Variants in IL2RB observed in about 807,000 individuals in gnomAD.
IL2RB encodes interleukin-2 receptor subunit beta.
In IL2RB, 17 loss-of-function variants were observed where a neutral mutation model predicts 44.2. That is an observed-to-expected ratio of 0.38 (90% confidence interval 0.26 to 0.58). The LOEUF (loss-of-function observed/expected upper bound fraction) is 0.58. Ranked by LOEUF, IL2RB falls within the 20% of genes least tolerant of loss-of-function variation. IL2RB has a pLI of 0.63. For missense variants in IL2RB, 624 were observed against 685.5 expected, an observed-to-expected ratio of 0.91 and a Z score of 1.00; for synonymous variants, 286 against 297.9, an observed-to-expected ratio of 0.96 and a Z score of 0.41.
intron 1 of IL2RB, chr22:37,161,988 C>G (rs1428816879): frequency 2.6e-5 from 4 of 152,234 alleles, no homozygotes; most frequent in Non-Finnish European, 5.9e-5. Flanking sequence ...CGGGTCCTGC[C>G]AGAGATTCCT....
Position 37,147,733 on chromosome 22 carries a change from G to T in IL2RB, c.-34+2092C>A, listed in dbSNP as rs558625814. 2.0e-5 allele frequency among the ~76,000 whole-genome samples: 3 copies of T among 152,354 alleles called. No homozygotes were observed. The East Asian group carries it at 5.8e-4, about 29-fold the overall frequency. ...GACCCAGCAGCTCACAGACAGACTG[G>T]CAGGTGCTTATTCGGGGTACCATGG... On this transcript the variant is annotated intron_variant, in intron 1 of 9. Coordinates refer to ENST00000216223, the MANE Select transcript of IL2RB (RefSeq NM_000878.5).
intron 1 of IL2RB, among the ~76,000 whole-genome samples, chr22:37,162,358 G>T (rs1922911033): frequency 6.6e-6 from 1 of 152,148 alleles, no homozygotes; most frequent in African/African-American, 2.4e-5. Context: ...ATGTACTGGT[G>T]GGGTAGGTGA....
At chr22:37,157,281 C>A (rs959684399) in intron 1 of IL2RB, among the ~76,000 whole-genome samples, 40 of 152,188 alleles carry the variant, frequency 2.6e-4, no homozygotes, top group African/African-American at 9.2e-4. Flanking sequence ...CACCAGTCCC[C>A]AAGACAGACT....
At chr22:37,132,607 G>A (rs1921491218) in intron 8 of IL2RB, 139 bp from the exon 9 acceptor site, 2 of 647,192 alleles carry the variant, frequency 3.1e-6, no homozygotes, top group Non-Finnish European at 5.5e-6. Flanking sequence ...GATACTAAGT[G>A]TTCACTGTGG....
chr22:37,155,886 T>C (rs762609806), intron 1 of IL2RB, among the ~76,000 whole-genome samples: 1 of 152,302 alleles, frequency 6.6e-6, no homozygotes, highest in South Asian at 2.1e-4. Context: ...ACCCTCTGTT[T>C]CCATGCACCC....
chr22:37,145,255 C>G (rs1922169175), intron 1 of IL2RB, among the ~76,000 whole-genome samples: 1 of 152,186 alleles, frequency 6.6e-6, no homozygotes, highest in Non-Finnish European at 1.5e-5. Flanking sequence ...CACACTCGTA[C>G]TCCCCTACCT....
At chr22:37,143,438 T>C (rs1444925162) in intron 3 of IL2RB, 83 bp downstream of exon 3, 2 of 898,722 alleles carry the variant, frequency 2.2e-6, no homozygotes, top group African/African-American at 3.3e-5. Context: ...CTGTAAACGT[T>C]GACTCCTTGG....
At chr22:37,173,530 A>T (rs2145745783) in intron 1 of IL2RB, among the ~76,000 whole-genome samples, 1 of 152,346 alleles carries the variant, frequency 6.6e-6, no homozygotes, top group Admixed American at 6.5e-5. Flanking sequence ...CTACCTTAAA[A>T]TAATTTTTAA....
intron 1 of IL2RB, among the ~76,000 whole-genome samples, chr22:37,156,769 G>A (rs9610657): frequency 0.01 from 1,598 of 152,328 alleles, 18 homozygotes; most frequent in Middle Eastern, 0.017. Context: ...GGGAGAGCAG[G>A]TTTGGGGGTG....
intron 1 of IL2RB, among the ~76,000 whole-genome samples, chr22:37,156,607 G>C (rs540853618): frequency 6.6e-6 from 1 of 152,294 alleles, no homozygotes; most frequent in African/African-American, 2.4e-5. Context: ...AGAGAGGGAG[G>C]GCTTGCCTCT....
chr22:37,174,746 A>AT lies in IL2RB; in HGVS notation c.-34+211dup, dbSNP rs1389501762. ...CTTTTGCAAATCCCAAGTCACAGCG[A>AT]TTGGCTGCACACTGGCAGAACAGAT... On this transcript the variant is annotated intron_variant, in intron 1 of 5. Transcript: ENST00000429622. 2.0e-5 allele frequency among the ~76,000 whole-genome samples: 3 copies of AT among 152,290 alleles called. No homozygotes were observed. The South Asian group carries it at 6.2e-4, about 32-fold the overall frequency.
rs549788981 is a variant in IL2RB at position 37,148,514 on chromosome 22, C to A, written c.-34+1311G>T. Among the ~76,000 whole-genome samples, 4 of 152,182 alleles carry A rather than the reference C, an allele frequency of 2.6e-5. 1 individual carries two copies. The South Asian group carries it at 6.2e-4, about 24-fold the overall frequency. On this transcript the variant is annotated intron_variant, in intron 1 of 9. Transcript: ENST00000216223. ...TGCCTACGTCCCCACCACAGCCCTG[C>A]AAGGTGGGTCTTGCTGCCCCATTTG...
chr22:37,128,759 G>C lies in IL2RB; in HGVS notation c.993C>G (p.Asp331Glu). Residue 331 changes from aspartate (D) to glutamate (E), a missense_variant, in exon 10 of 10, where the codon GAC (aspartate) becomes GAG (glutamate). This residue lies in a region of IL2RB where 291 missense variants were observed against 275.5 expected (regional missense o/e 1.06). Coordinates refer to ENST00000216223, the MANE Select transcript of IL2RB (RefSeq NM_000878.5). The surrounding 1 kb of genome is among the most constrained non-coding windows in gnomAD (Gnocchi z 4.5). ...EISPLEVLER[D>E]KVTQLLLQQD... is the part of the protein sequence containing the mutation. ...GCTGCAGGAGCAGCTGCGTCACCTTGTCCCTCTCCAGCACTTCTAGTGGCG... is the reference window on the plus strand; with the variant it reads ...GCTGCAGGAGCAGCTGCGTCACCTTCTCCCTCTCCAGCACTTCTAGTGGCG... The C allele has an allele frequency of 6.2e-7, 1 of 1,614,112 alleles. No homozygotes were observed. The highest frequency in any genetic ancestry group is 8.5e-7 in the Non-Finnish European group (1 of 1,179,986).
At chr22:37,138,615 G>C (rs757031657) in intron 5 of IL2RB, among the ~76,000 whole-genome samples, 13 of 152,182 alleles carry the variant, frequency 8.5e-5, no homozygotes, top group Non-Finnish European at 1.6e-4. Context: ...CTGCCTTCAG[G>C]GTGCTCACAG....
chr22:37,137,060 C>T (rs1032919753), intron 6 of IL2RB, among the ~76,000 whole-genome samples: 2 of 152,194 alleles, frequency 1.3e-5, no homozygotes, highest in African/African-American at 4.8e-5. Flanking sequence ...CCTGTCGCTA[C>T]ATCTGCTGAC....
At chr22:37,148,134 G>A (rs1379674241) in intron 1 of IL2RB, among the ~76,000 whole-genome samples, 3 of 152,222 alleles carry the variant, frequency 2.0e-5, no homozygotes, top group African/African-American at 7.2e-5. Flanking sequence ...AGAGGCAGCC[G>A]GGCAGGAGGA....
intron 7 of IL2RB, among the ~76,000 whole-genome samples, chr22:37,135,946 A>AC (rs1331065220): frequency 6.6e-6 from 1 of 151,974 alleles, no homozygotes; most frequent in Non-Finnish European, 1.5e-5. Context: ...GAAAGCAGCC[A>AC]CCCCCAGCCC....
At chr22:37,133,555 C>T (rs761429605) in intron 8 of IL2RB, among the ~76,000 whole-genome samples, 15 of 152,308 alleles carry the variant, frequency 9.8e-5, no homozygotes, top group East Asian at 1.9e-4. Context: ...CAGCTAGGCA[C>T]GCTTTGCAAA....
chr22:37,160,743 G>A (rs1922836270), intron 1 of IL2RB, among the ~76,000 whole-genome samples: 2 of 151,216 alleles, frequency 1.3e-5, no homozygotes, highest in South Asian at 2.1e-4. Flanking sequence ...CCAGCTATTC[G>A]GGAGGCTAAG....
Sources: gnomAD v4.1 joint callset for allele counts (sites outside exome capture counted in the v4.1 genomes callset) on GRCh38, gnomAD v4.1.1 for gene constraint, gnomAD v4.1.1 regional missense constraint, Gnocchi (gnomAD v3.1) non-coding constraint, MANE v1.5 for transcripts, NCBI Gene and HGNC (gene_info 2026-07-23, HGNC 2026-07-21) for gene names.